The following SNAP47 variants were observed in gnomAD, a reference collection of about 807,000 sequenced individuals.
The protein encoded by SNAP47 is synaptosomal-associated protein 47.
SNAP47 carries 20 observed loss-of-function variants against 31.4 expected under a neutral mutation model. The ratio of observed to expected loss-of-function variants is 0.64; its 90% confidence interval spans 0.45 to 0.93. SNAP47 has a LOEUF of 0.93. SNAP47 is among the 40% of genes least tolerant of loss of function. SNAP47 has a pLI of 0.00. For synonymous variants in SNAP47, 194 were observed against 213.4 expected (o/e 0.91, Z 0.79); for missense variants, 492 against 528.5 (o/e 0.93, Z 0.68).
chr1:227,738,178 A>G (rs1238910010), intron 1 of SNAP47, among the ~76,000 whole-genome samples: 4 of 152,104 alleles, frequency 2.6e-5, no homozygotes, highest in Non-Finnish European at 5.9e-5. Flanking sequence ...AGTAGCGAAG[A>G]TTACAGGCGC....
At chr1:227,743,234 G>T (rs1307374549) in intron 1 of SNAP47, among the ~76,000 whole-genome samples, 1 of 152,166 alleles carries the variant, frequency 6.6e-6, no homozygotes, top group East Asian at 1.9e-4. Flanking sequence ...GGCGGCTCTG[G>T]CCCACCCACG....
intron 4 of SNAP47, chr1:227,776,522 T>A: frequency 1.0e-6 from 1 of 985,676 alleles, no homozygotes; most frequent in Non-Finnish European, 1.2e-6. Context: ...GCCTCGGAGC[T>A]GACAGCATCC....
At chr1:227,753,367 T>C (rs1177144258) in intron 2 of SNAP47, among the ~76,000 whole-genome samples, 1 of 152,238 alleles carries the variant, frequency 6.6e-6, no homozygotes, top group Non-Finnish European at 1.5e-5. Context: ...TTGTTCCTTG[T>C]GTAAGAGCAG....
At chr1:227,758,687 G>A (rs978243333) in intron 2 of SNAP47, among the ~76,000 whole-genome samples, 1 of 152,216 alleles carries the variant, frequency 6.6e-6, no homozygotes, top group Non-Finnish European at 1.5e-5. Flanking sequence ...TTTGAATCAA[G>A]ATGACCCAGA....
At chr1:227,742,608 G>C (rs144396985) in intron 1 of SNAP47, among the ~76,000 whole-genome samples, 1 of 152,328 alleles carries the variant, frequency 6.6e-6, no homozygotes, top group East Asian at 1.9e-4. Flanking sequence ...CTTAGCAATG[G>C]TTAGCACACA....
chr1:227,735,270 C>G, upstream of SNAP47: 2 of 1,606,072 alleles, frequency 1.2e-6, no homozygotes, highest in South Asian at 1.1e-5. Flanking sequence ...GTCTCGCGGT[C>G]CATCCAGCTC....
chr1:227,773,765 G>A (rs993978546), intron 4 of SNAP47, among the ~76,000 whole-genome samples: 1 of 152,214 alleles, frequency 6.6e-6, no homozygotes, highest in African/African-American at 2.4e-5. Flanking sequence ...TGCAGCTTGG[G>A]GGGGTGTGCC....
At chr1:227,732,500 C>T, upstream of SNAP47, 1 of 1,613,364 alleles carries the variant, frequency 6.2e-7, no homozygotes, top group Non-Finnish European at 8.5e-7. Context: ...GGTGCGCAAC[C>T]AAGGAGGCCA....
At chr1:227,766,230 C>T (rs946410633) in intron 3 of SNAP47, among the ~76,000 whole-genome samples, 1 of 152,198 alleles carries the variant, frequency 6.6e-6, no homozygotes, top group Non-Finnish European at 1.5e-5. Context: ...TCCTGACATC[C>T]TCGTAAATGA....
chr1:227,750,819 G>C (rs75396824), intron 2 of SNAP47, among the ~76,000 whole-genome samples: 1 of 152,202 alleles, frequency 6.6e-6, no homozygotes, highest in African/African-American at 2.4e-5. Flanking sequence ...AAATGCCATG[G>C]AGAAGGAGCA....
At chr1:227,776,010 C>T in intron 4 of SNAP47, 6 of 1,221,524 alleles carry the variant, frequency 4.9e-6, no homozygotes, top group Non-Finnish European at 4.2e-6. Context: ...TTGGTGCTAT[C>T]CTGGGGGACC....
chr1:227,743,063 G>A (rs749514762), intron 1 of SNAP47, among the ~76,000 whole-genome samples: 2 of 152,174 alleles, frequency 1.3e-5, no homozygotes, highest in Non-Finnish European at 2.9e-5. Context: ...GTTGACCATG[G>A]TACTGAAGGT....
Position 227,777,097 on chromosome 1 carries a change from TG to T in SNAP47, c.1114-3429del. The T allele has an allele frequency of 3.2e-6, 3 of 932,666 alleles. No individual in the cohort carries two copies. In the South Asian group the frequency reaches 1.5e-4, roughly 47 times the overall value. 57.8% of individuals were successfully genotyped at this position (932,666 alleles called of 1,614,324 possible). Reference sequence around the variant, plus strand: ...TATGCACTAGAAAAAGGCATGAATTTGATGTCTTTTTTAAAAAAAAAAGTTA... The same window carrying T: ...TATGCACTAGAAAAAGGCATGAATTTATGTCTTTTTTAAAAAAAAAAGTTA... On this transcript the variant is annotated intron_variant, in intron 4 of 4. Coordinates refer to ENST00000617596, the MANE Select transcript of SNAP47 (RefSeq NM_053052.4).
chr1:227,752,663 T>C (rs1662453105), intron 2 of SNAP47, among the ~76,000 whole-genome samples: 1 of 152,132 alleles, frequency 6.6e-6, no homozygotes, highest in Non-Finnish European at 1.5e-5. Context: ...AAAGCCAAAA[T>C]CCAAGAGATG....
At chr1:227,765,064 G>A (rs1454948827) in intron 3 of SNAP47, among the ~76,000 whole-genome samples, 2 of 152,176 alleles carry the variant, frequency 1.3e-5, no homozygotes, top group African/African-American at 4.8e-5. Flanking sequence ...GTTTTTTAAA[G>A]CCCACATTGT....
upstream of SNAP47, among the ~76,000 whole-genome samples, chr1:227,728,343 C>CCT (rs1319192931): frequency 6.6e-6 from 1 of 150,586 alleles, no homozygotes; most frequent in Non-Finnish European, 1.5e-5. Context: ...TGCTTGCCAC[C>CCT]GGAGCGGGGG....
At chr1:227,755,622 A>C (rs1399701103) in intron 2 of SNAP47, among the ~76,000 whole-genome samples, 1 of 152,168 alleles carries the variant, frequency 6.6e-6, no homozygotes, top group African/African-American at 2.4e-5. Flanking sequence ...CCTGGGCCTC[A>C]AGTAATCCAC....
In SNAP47 at chr1:227,735,928, G is replaced by A. The variant is rs546869407; in HGVS notation, c.-46+429G>A. On this transcript the variant is annotated intron_variant, in intron 1 of 4. Transcript: ENST00000617596. ...GGAGAGGACGGTGGGATCTGGAGGGGATGGGTACAGTGGGGACCTGGAGAG... is the reference window on the plus strand; with the variant it reads ...GGAGAGGACGGTGGGATCTGGAGGGAATGGGTACAGTGGGGACCTGGAGAG... Among the ~76,000 whole-genome samples the A allele has an allele frequency of 2.7e-5, 4 of 150,216 alleles. No homozygotes were observed. The East Asian group carries it at 7.9e-4, about 30-fold the overall frequency.
chr1:227,748,297 A>C, intron 2 of SNAP47, 64 bp downstream of exon 2: 30 of 1,453,038 alleles, frequency 2.1e-5, no homozygotes, highest in Non-Finnish European at 2.6e-5. Context: ...GTGGAGGCTC[A>C]CAGGCACTGT....
Sources: allele counts gnomAD v4.1 joint callset (sites outside exome capture counted in the v4.1 genomes callset), GRCh38; gene constraint gnomAD v4.1.1; transcripts MANE v1.5; gene names NCBI Gene and HGNC (gene_info 2026-07-23, HGNC 2026-07-21).